Variants in LRP2 observed in about 807,000 individuals in gnomAD.
The protein encoded by LRP2 is LDL receptor related protein 2, also known as low-density lipoprotein receptor-related protein 2.
Under a neutral mutation model 531.0 loss-of-function variants are expected in LRP2, and 172 were observed. The observed-to-expected ratio is 0.32, with a 90% CI of 0.29 to 0.37. The LOEUF is 0.37. Among genes scored for constraint, LRP2 ranks in the 10% least tolerant of loss-of-function variants. The probability of loss-of-function intolerance (pLI) is 1.00; values close to 1 mark genes in which losing one functional copy is unlikely to be tolerated. For synonymous variants in LRP2, 1,992 were observed against 2,027.6 expected, an observed-to-expected ratio of 0.98 and a Z score of 0.47; for missense variants, 5,167 against 5,868.3, an observed-to-expected ratio of 0.88 and a Z score of 3.90.
chr2:169,287,643 GAAT>G (rs142159471), intron 9 of LRP2, among the ~76,000 whole-genome samples: 79,407 of 149,180 alleles, frequency 0.53, 21,918 homozygotes, highest in South Asian at 0.65. Context: ...TTCCGCTGAA[GAAT>G]AATAATAATA....
At position 169,139,346 on chromosome 2, in the gene LRP2, G is replaced by A; in HGVS notation, c.13293C>T (p.Ile4431=). ...GAGCTCCAATTACGACGATCAAGAGGATTGTCAACAGCACAGCTACTGCGG... is the reference window on the plus strand; with the variant it reads ...GAGCTCCAATTACGACGATCAAGAGAATTGTCAACAGCACAGCTACTGCGG... ...GTTAVAVLLT[I]LLIVVIGALA... Residue 4431 remains isoleucine, a synonymous_variant, in exon 74 of 79, where the codon ATC becomes ATT. Transcript: ENST00000649046. 6.2e-7 allele frequency: 1 copy of A among 1,614,152 alleles called. No individual in the cohort carries two copies. The highest frequency in any genetic ancestry group is 8.5e-7 in the Non-Finnish European group (1 of 1,180,022).
intron 8 of LRP2, among the ~76,000 whole-genome samples, chr2:169,289,987 T>C (rs1247549831): frequency 6.6e-6 from 1 of 152,200 alleles, no homozygotes; most frequent in Non-Finnish European, 1.5e-5. Context: ...TGGGCACTTC[T>C]AGGCAATCAC....
chr2:169,314,198 A>C (rs779273052), intron 3 of LRP2, among the ~76,000 whole-genome samples: 5 of 151,982 alleles, frequency 3.3e-5, no homozygotes, highest in Non-Finnish European at 5.9e-5. Flanking sequence ...AGAATTCAAG[A>C]CTAGCCTGGG....
Position 169,291,118 on chromosome 2 carries a change from A to AT in LRP2, c.770-122dup, listed in dbSNP as rs1333868789. 76 of 837,852 alleles carry AT rather than the reference A, an allele frequency of 9.1e-5. 1 individual carries two copies. In the South Asian group the frequency reaches 1.3e-3, roughly 14 times the overall value. 51.9% of individuals were successfully genotyped at this position (837,852 alleles called of 1,614,324 possible). A position where few individuals can be genotyped will look rare whatever the true frequency, so the allele number is the denominator to read the frequency against. On this transcript the variant is annotated intron_variant, in intron 7 of 78. Coordinates refer to ENST00000649046, the MANE Select transcript of LRP2 (RefSeq NM_004525.3). ...CAAGAGAAATCTATAAATGATCTACATTTTACAATAAGTTAGTGATTTCTA... is the reference window on the plus strand; with the variant it reads ...CAAGAGAAATCTATAAATGATCTACATTTTTACAATAAGTTAGTGATTTCTA...
At chr2:169,314,639 C>G (rs953863692) in intron 3 of LRP2, among the ~76,000 whole-genome samples, 9 of 152,104 alleles carry the variant, frequency 5.9e-5, no homozygotes, top group African/African-American at 9.7e-5. Context: ...AATTCTGGAA[C>G]AGCAAACAAA....
rs745401766 is a variant in LRP2 at position 169,128,965 on chromosome 2, A to G, written c.13800+48T>C. On this transcript the variant is annotated intron_variant, in intron 78 of 78. Transcript: ENST00000649046. ...GTGTGTCCAATTTAACCAAGCAAAT[A>G]ATTTCTAAGAAAAAATGTCTGTGCT... The G allele has an allele frequency of 1.7e-5, 26 of 1,555,828 alleles. No individual in the cohort carries two copies. The East Asian group carries it at 4.9e-4, about 29-fold the overall frequency.
intron 46 of LRP2, among the ~76,000 whole-genome samples, chr2:169,195,005 G>C (rs1375253802): frequency 6.6e-6 from 1 of 152,100 alleles, no homozygotes; most frequent in Non-Finnish European, 1.5e-5. Context: ...CACCGCGCCT[G>C]GCCTGATCCA....
chr2:169,156,974 A>G (rs973177310), intron 64 of LRP2, among the ~76,000 whole-genome samples: 1 of 152,202 alleles, frequency 6.6e-6, no homozygotes, highest in Non-Finnish European at 1.5e-5. Context: ...CTTACAACTC[A>G]TCTATGTCTG....
intron 4 of LRP2, among the ~76,000 whole-genome samples, chr2:169,303,096 A>G (rs1684326451): frequency 6.6e-6 from 1 of 152,158 alleles, no homozygotes; most frequent in Non-Finnish European, 1.5e-5. Context: ...GAGAATAAAT[A>G]AAACAATATT....
At chr2:169,244,613 A>C (rs1211676221) in intron 22 of LRP2, 80 bp downstream of exon 22, 2 of 1,573,516 alleles carry the variant, frequency 1.3e-6, no homozygotes, top group Non-Finnish European at 1.7e-6. Flanking sequence ...TGAGCCTTAG[A>C]GGAAAGAATG....
chr2:169,324,670 C>T (rs1038438640), intron 1 of LRP2, among the ~76,000 whole-genome samples: 2 of 151,014 alleles, frequency 1.3e-5, no homozygotes, highest in Non-Finnish European at 2.9e-5. Flanking sequence ...TCATAAGTAG[C>T]CATATCCCAA....
Position 169,212,053 on chromosome 2 carries a change from A to T in LRP2, c.6195T>A (p.Ile2065=). 5 of 1,614,038 alleles carry T rather than the reference A, an allele frequency of 3.1e-6. No individual in the cohort carries two copies. Among genetic ancestry groups the T allele is most frequent in the East Asian group, 2.2e-5 (1 of 44,874 alleles). The change falls in exon 37 of 79, where the codon ATT becomes ATA. Residue 2065 remains isoleucine (I), a synonymous_variant. Coordinates refer to ENST00000649046, the MANE Select transcript of LRP2 (RefSeq NM_004525.3). ...TGATTGCAGACAGCATTGAAACAAC[A>T]ATGAAAGAGTTATATGGAGAGCAGG... ...NRSCSPYNSF[I]VVSMLSAIRG...
At chr2:169,280,209 AG>A in intron 11 of LRP2, 140 bp downstream of exon 11, 2 of 837,496 alleles carry the variant, frequency 2.4e-6, no homozygotes, top group Non-Finnish European at 3.8e-6. Flanking sequence ...AGCATGGAAA[AG>A]GTGCTGATTA....
chr2:169,271,029 A>G lies in LRP2; in HGVS notation c.2195T>C (p.Val732Ala). The G allele has an allele frequency of 1.2e-6, 2 of 1,613,270 alleles. No homozygotes were observed. Among genetic ancestry groups the G allele is most frequent in the Non-Finnish European group, 1.7e-6 (2 of 1,179,482 alleles). The change falls in exon 16 of 79, where the codon GTC (valine) becomes GCC (alanine). Residue 732 changes from valine to alanine, a missense_variant. Val to Ala is a moderately conservative substitution (Grantham distance 64, BLOSUM62 0). This residue lies in a region of LRP2 where 2,811 missense variants were observed against 3,058.0 expected (regional missense o/e 0.92). Transcript: ENST00000649046. ...AGGATTCCCCGAAACTGGAACCATG[A>G]CATCTTCCTGGGTAGACAAGGTGAA... ...IPFTLSTQED[V>A]MVPVSGNPSF...
At chr2:169,165,386 G>A (rs969716904) in intron 62 of LRP2, among the ~76,000 whole-genome samples, 4 of 152,188 alleles carry the variant, frequency 2.6e-5, no homozygotes, top group African/African-American at 9.6e-5. Context: ...GTTAAATGCA[G>A]CCAGTTTGGA....
intron 61 of LRP2, 141 bp from the exon 62 acceptor site, chr2:169,166,195 A>T (rs905765177): frequency 3.7e-6 from 3 of 804,340 alleles, no homozygotes; most frequent in Non-Finnish European, 6.2e-6. Flanking sequence ...CAGCAGATAC[A>T]CCTTACATGT....
chr2:169,160,880 G>A (rs959677959), intron 63 of LRP2, among the ~76,000 whole-genome samples: 4 of 152,124 alleles, frequency 2.6e-5, no homozygotes, highest in African/African-American at 7.2e-5. Flanking sequence ...CACAGAAAAC[G>A]TATGTGAAAT....
At position 169,193,803 on chromosome 2, in the gene LRP2, C is replaced by T. The variant is rs1338637213; in HGVS notation, c.8788G>A (p.Asp2930Asn). The T allele has an allele frequency of 1.2e-6, 2 of 1,614,070 alleles. No individual in the cohort carries two copies. Among genetic ancestry groups the T allele is most frequent in the African/African-American group, 2.7e-5 (2 of 74,922 alleles). ...PSEWICDGDN[D>N]CGDMSDEDKR... ...TCCTCGTCACTCATATCCCCACAGT[C>T]ATTATCACCGTCACAGATCCATTCG... The change falls in exon 47 of 79, where the codon GAC becomes AAC. Residue 2930 changes from aspartate (D) to asparagine (N), a missense_variant. Physicochemically the swap from Asp to Asn is conservative, Grantham distance 23. This residue lies in a region of LRP2 where 1,129 missense variants were observed against 1,362.7 expected (regional missense o/e 0.83). Transcript: ENST00000649046.
At chr2:169,301,248 T>C (rs926473593) in intron 4 of LRP2, among the ~76,000 whole-genome samples, 2 of 152,154 alleles carry the variant, frequency 1.3e-5, no homozygotes, top group Non-Finnish European at 2.9e-5. Flanking sequence ...GTACTATTTT[T>C]GAGCAACTGA....
Sources: gnomAD v4.1 joint callset for allele counts (sites outside exome capture counted in the v4.1 genomes callset) on GRCh38, gnomAD v4.1.1 for gene constraint, gnomAD v4.1.1 regional missense constraint, MANE v1.5 for transcripts, NCBI Gene and HGNC (gene_info 2026-07-23, HGNC 2026-07-21) for gene names.